The following DLG5 variants were observed in gnomAD, a reference collection of about 807,000 sequenced individuals.
The protein encoded by DLG5 is discs large MAGUK scaffold protein 5.
Under a neutral mutation model 189.8 loss-of-function variants are expected in DLG5, and 48 were observed. That is an observed-to-expected ratio of 0.25 (90% confidence interval 0.20 to 0.32). DLG5 has a LOEUF of 0.32. Among genes scored for constraint, DLG5 ranks in the 10% least tolerant of loss-of-function variants. The pLI is 1.00. For missense variants in DLG5, 2,160 were observed against 2,544.7 expected (o/e 0.85, Z 3.25); for synonymous variants, 1,016 against 1,054.1 (o/e 0.96, Z 0.70).
At chr10:77,841,842 A>G in intron 7 of DLG5, 39 bp downstream of exon 7, 18 of 1,583,674 alleles carry the variant, frequency 1.1e-5, no homozygotes, top group Non-Finnish European at 1.5e-5. Context: ...GGGATGCTGT[A>G]GGAGAGGCTG....
At chr10:77,870,034 A>G (rs1191081836) in intron 1 of DLG5, among the ~76,000 whole-genome samples, 1 of 136,618 alleles carries the variant, frequency 7.3e-6, no homozygotes, top group Non-Finnish European at 1.6e-5. Context: ...CCCCCATCCC[A>G]TTTCAGCAAT....
intron 3 of DLG5, among the ~76,000 whole-genome samples, chr10:77,854,955 C>G (rs1468597019): frequency 1.3e-5 from 2 of 152,114 alleles, no homozygotes; most frequent in Admixed American, 1.3e-4. Context: ...CACCACTGCA[C>G]TCCAGCCTGG....
the DLG5 span, among the ~76,000 whole-genome samples, chr10:77,940,149 G>T: frequency 1.3e-5 from 2 of 152,198 alleles, no homozygotes; most frequent in Non-Finnish European, 2.9e-5. Context: ...GAAGCCAGAT[G>T]TGCTCCCCTA....
chr10:77,838,066 C>G (rs1325763397), intron 7 of DLG5, among the ~76,000 whole-genome samples: 1 of 152,182 alleles, frequency 6.6e-6, no homozygotes, highest in Non-Finnish European at 1.5e-5. Flanking sequence ...TACAACAGCC[C>G]TCTGCCTCTA....
intron 31 of DLG5, 41 bp downstream of exon 31, chr10:77,793,966 TC>T: frequency 6.4e-7 from 1 of 1,573,006 alleles, no homozygotes; most frequent in East Asian, 2.2e-5. Context: ...TCTGCTTCCT[TC>T]CCTGCTGCCT....
rs181611170 is a variant in DLG5, at chr10:77,884,872, C to T, written c.305-15675G>A. ...GGTTCACCCTCATTTTCACAGTACT[C>T]GGTGTGCATTTTGGAAATGGCGGAC... On this transcript the variant is annotated intron_variant, in intron 1 of 31. Transcript: ENST00000372391. 4.5e-4 allele frequency among the ~76,000 whole-genome samples: 68 copies of T among 152,244 alleles called. 2 individuals carry two copies. The highest frequency in any genetic ancestry group is 6.8e-3 in the Middle Eastern group (2 of 294).
intron 6 of DLG5, among the ~76,000 whole-genome samples, chr10:77,842,733 T>C (rs747703762): frequency 2.9e-4 from 44 of 152,220 alleles, no homozygotes; most frequent in African/African-American, 1.0e-3. Context: ...CGGTTCTGCA[T>C]GGAGCTCCAT....
Position 77,796,350 on chromosome 10 carries a change from C to T in DLG5, c.5308+101G>A. 1.9e-6 allele frequency: 3 copies of T among 1,592,138 alleles called. No individual in the cohort carries two copies. Among genetic ancestry groups the T allele is most frequent in the Non-Finnish European group, 2.6e-6 (3 of 1,166,206 alleles). ...CTTCTGGAACACTGTGAAATCTGCCCCCCGGTACTGCCACCCACTGTGCAC... is the reference window on the plus strand; with the variant it reads ...CTTCTGGAACACTGTGAAATCTGCCTCCCGGTACTGCCACCCACTGTGCAC... On this transcript the variant is annotated intron_variant, in intron 28 of 31. Coordinates refer to ENST00000372391, the MANE Select transcript of DLG5 (RefSeq NM_004747.4). The surrounding 1 kb of genome is among the most constrained non-coding windows in gnomAD (Gnocchi z 5.2).
At chr10:77,866,070 G>A (rs1844669828) in intron 2 of DLG5, among the ~76,000 whole-genome samples, 1 of 152,164 alleles carries the variant, frequency 6.6e-6, no homozygotes, top group African/African-American at 2.4e-5. Context: ...ATCACCATGT[G>A]ACCTTACCAG....
chr10:77,811,747 C>T (rs1382419648), intron 22 of DLG5, among the ~76,000 whole-genome samples, 177 bp downstream of exon 22: 1 of 152,192 alleles, frequency 6.6e-6, no homozygotes, highest in African/African-American at 2.4e-5. Context: ...CAGGAGGAGA[C>T]AGCCTCTCTA....
At position 77,794,864 on chromosome 10, in the gene DLG5, C is replaced by T. The variant is rs370917382; in HGVS notation, c.5531G>A (p.Ser1844Asn). 16 of 1,613,942 alleles carry T rather than the reference C, an allele frequency of 9.9e-6. No individual in the cohort carries two copies. Among genetic ancestry groups the T allele is most frequent in the African/African-American group, 1.3e-5 (1 of 74,944 alleles). Reference sequence around the variant, plus strand: ...AGTTACCTACTTGATGTGCTTGGCGCTCTTGTAGTGGATGAAGATGACAAT... The same window carrying T: ...AGTTACCTACTTGATGTGCTTGGCGTTCTTGTAGTGGATGAAGATGACAAT... ...YPIVIFIHYK[S>N]AKHIKEQRDP... Residue 1844 changes from serine to asparagine, a missense_variant, in exon 30 of 32, where the codon AGC (serine) becomes AAC (asparagine). Physicochemically the swap from Ser to Asn is conservative, Grantham distance 46 (BLOSUM62 1). Transcript: ENST00000372391.
At chr10:77,898,644 T>A (rs1845834539) in intron 1 of DLG5, among the ~76,000 whole-genome samples, 1 of 152,106 alleles carries the variant, frequency 6.6e-6, no homozygotes. Context: ...GGCACACGAG[T>A]CACGCGGCTG....
intron 24 of DLG5, among the ~76,000 whole-genome samples, chr10:77,808,220 T>A (rs564540269): frequency 4.6e-5 from 7 of 152,380 alleles, no homozygotes; most frequent in African/African-American, 1.7e-4. Context: ...CTGGCAAGTC[T>A]GGGCTTTTCA....
intron 5 of DLG5, among the ~76,000 whole-genome samples, chr10:77,845,880 A>ACTGAGAAAC (rs1843662861): frequency 6.7e-6 from 1 of 150,334 alleles, no homozygotes; most frequent in African/African-American, 2.5e-5. Flanking sequence ...AGGAATGCAC[A>ACTGAGAAAC]CTGAGAAACA....
intron 1 of DLG5, among the ~76,000 whole-genome samples, chr10:77,873,030 T>TGTGTGC (rs139841331): frequency 0.013 from 1,324 of 105,484 alleles, 9 homozygotes; most frequent in Middle Eastern, 0.024. Flanking sequence ...TGTGTGTGTG[T>TGTGTGC]GCACACACAC....
upstream of DLG5, among the ~76,000 whole-genome samples, chr10:77,930,728 A>G (rs1333590492): frequency 6.6e-6 from 1 of 151,052 alleles, no homozygotes; most frequent in Non-Finnish European, 1.5e-5. Flanking sequence ...GCTCACTGCA[A>G]CCTCTGCCTC....
intron 1 of DLG5, among the ~76,000 whole-genome samples, chr10:77,870,859 G>A (rs1289889804): frequency 1.3e-5 from 2 of 152,210 alleles, no homozygotes; most frequent in African/African-American, 2.4e-5. Flanking sequence ...GACCTTGAGG[G>A]GAAAGCAGGG....
chr10:77,811,446 C>T (rs1841767833), intron 22 of DLG5, among the ~76,000 whole-genome samples: 1 of 152,092 alleles, frequency 6.6e-6, no homozygotes, highest in African/African-American at 2.4e-5. Flanking sequence ...GGGGCCCTCT[C>T]CAAAGGCATC....
At chr10:77,932,507 AAGG>A in the DLG5 span, among the ~76,000 whole-genome samples, 10 of 152,184 alleles carry the variant, frequency 6.6e-5, no homozygotes, top group Admixed American at 6.6e-4. Context: ...GTACCTCAAA[AAGG>A]AGAAGTGGCT....
Sources: gnomAD v4.1 joint callset for allele counts (sites outside exome capture counted in the v4.1 genomes callset) on GRCh38, gnomAD v4.1.1 for gene constraint, Gnocchi (gnomAD v3.1) non-coding constraint, MANE v1.5 for transcripts, NCBI Gene and HGNC (gene_info 2026-07-23, HGNC 2026-07-21) for gene names.